HNRNPR: variants seen among roughly 807,000 people sequenced by gnomAD.
HNRNPR encodes heterogeneous nuclear ribonucleoprotein R.
A neutral mutation model predicts 70.3 loss-of-function variants in HNRNPR; 4 were observed. That is an observed-to-expected ratio of 0.06 (90% CI 0.03 to 0.13). HNRNPR has a LOEUF of 0.13. Among genes scored for constraint, HNRNPR ranks in the 10% least tolerant of loss-of-function variants. The pLI is 1.00. For synonymous variants in HNRNPR, 241 were observed against 267.6 expected, an observed-to-expected ratio of 0.90 and a Z score of 0.97; for missense variants, 423 against 788.5, an observed-to-expected ratio of 0.54 and a Z score of 5.55.
rs1444205115 is a variant in HNRNPR, at chr1:23,310,694, T to C, written c.1662A>G (p.Arg554=). Residue 554 remains arginine (R), a synonymous_variant, in exon 11 of 11, where the codon AGA becomes AGG. Transcript: ENST00000302271. The surrounding 1 kb of genome is among the most constrained non-coding windows in gnomAD (Gnocchi z 6.0). ...CCCGAGATCCACGGGAACCACGGCC[T>C]CTCTGCTGTTGAGCAGGACCCCCTC... ...GGRGGPAQQQ[R]GRGSRGSRGN... is the part of the protein sequence containing the mutation. 6.2e-7 allele frequency: 1 copy of C among 1,613,428 alleles called. No homozygotes were observed. Among genetic ancestry groups the C allele is most frequent in the Non-Finnish European group, 8.5e-7 (1 of 1,179,714 alleles).
intron 1 of HNRNPR, among the ~76,000 whole-genome samples, chr1:23,342,853 T>G (rs1274639958): frequency 1.3e-5 from 2 of 152,200 alleles, no homozygotes; most frequent in African/African-American, 4.8e-5. Flanking sequence ...AAGTTGTGTA[T>G]TAAGTACAAG....
At chr1:23,327,721 GATT>G (rs1646047352) in intron 5 of HNRNPR, among the ~76,000 whole-genome samples, 1 of 151,332 alleles carries the variant, frequency 6.6e-6, no homozygotes, top group Non-Finnish European at 1.5e-5. Flanking sequence ...AATAAATAGT[GATT>G]ATATGATTTT....
At chr1:23,333,857 C>T (rs1191911549) in intron 4 of HNRNPR, among the ~76,000 whole-genome samples, 3 of 152,098 alleles carry the variant, frequency 2.0e-5, no homozygotes, top group Admixed American at 1.3e-4. Flanking sequence ...ACAAGTCTTA[C>T]CTCCTTCATG....
At chr1:23,341,858 T>G (rs572476980) in intron 1 of HNRNPR, among the ~76,000 whole-genome samples, 2 of 152,276 alleles carry the variant, frequency 1.3e-5, no homozygotes, top group East Asian at 3.9e-4. Flanking sequence ...TTTCTCAGAT[T>G]AACCTATCAA....
intron 9 of HNRNPR, among the ~76,000 whole-genome samples, chr1:23,312,303 C>T (rs1301938784): frequency 6.6e-6 from 1 of 152,192 alleles, no homozygotes; most frequent in African/African-American, 2.4e-5. Context: ...GAAACATCTA[C>T]CCTCTGCCCT....
rs1397401761 is a variant in HNRNPR at position 23,341,495 on chromosome 1, A to G, written c.-9-478T>C. On this transcript the variant is annotated intron_variant, in intron 1 of 10. Coordinates refer to ENST00000302271, the MANE Select transcript of HNRNPR (RefSeq NM_005826.5). ...GCTTCAAATACAGTATCGGTGTGAA[A>G]TAAGTGCCCTGTTTTCTCTAGTTCA... Among the ~76,000 whole-genome samples, 4 of 152,266 alleles carry G rather than the reference A, an allele frequency of 2.6e-5. No homozygotes were observed. The East Asian group carries it at 7.7e-4, about 29-fold the overall frequency.
At chr1:23,320,693 A>C (rs1645720833) in intron 7 of HNRNPR, among the ~76,000 whole-genome samples, 2 of 152,232 alleles carry the variant, frequency 1.3e-5, no homozygotes, top group African/African-American at 4.8e-5. Flanking sequence ...CATAGGTAGT[A>C]TTAGATCACA....
chr1:23,331,633 G>C (rs900751156), intron 5 of HNRNPR, among the ~76,000 whole-genome samples: 1 of 151,578 alleles, frequency 6.6e-6, no homozygotes, highest in African/African-American at 2.4e-5. Context: ...GTTGCAGTGA[G>C]ACGAAATTGC....
chr1:23,338,217 A>G, intron 3 of HNRNPR: 1 of 320,426 alleles, frequency 3.1e-6, no homozygotes, highest in Non-Finnish European at 5.6e-6. Context: ...AAAGCTGAGT[A>G]ACATGTAAAA....
Position 23,310,788 on chromosome 1 carries a change from G to A in HNRNPR, c.1568C>T (p.Pro523Leu). ...CTGTGAATAGCCAGCTCTACCTCTTGGAGGTGGTGCTCCCCTCCCCCTTGG... is the reference window on the plus strand; with the variant it reads ...CTGTGAATAGCCAGCTCTACCTCTTAGAGGTGGTGCTCCCCTCCCCCTTGG... Reference protein sequence around the residue: ...PPPRGRGAPPPRGRAGYSQRG... With the variant: ...PPPRGRGAPPLRGRAGYSQRG... The change falls in exon 11 of 11, where the codon CCA becomes CTA. Residue 523 changes from proline to leucine, a missense_variant. Pro to Leu is a moderately conservative substitution (Grantham distance 98). Around this residue, in one of 7 missense-constraint regions of HNRNPR, gnomAD observed 169 missense variants for 195.6 expected, o/e 0.86. Transcript: ENST00000302271. The surrounding 1 kb of genome is among the most constrained non-coding windows in gnomAD (Gnocchi z 6.0). 2 of 1,613,984 alleles carry A rather than the reference G, an allele frequency of 1.2e-6. No individual in the cohort carries two copies. The highest frequency in any genetic ancestry group is 2.7e-5 in the African/African-American group (2 of 75,022).
At chr1:23,332,294 C>T (rs902297557) in intron 5 of HNRNPR, among the ~76,000 whole-genome samples, 2 of 152,162 alleles carry the variant, frequency 1.3e-5, no homozygotes, top group African/African-American at 4.8e-5. Flanking sequence ...CCACATCCTT[C>T]CCTTGTGCAA....
Position 23,318,908 on chromosome 1 carries a change from T to C in HNRNPR, c.812-220A>G, listed in dbSNP as rs1460709127. Among the ~76,000 whole-genome samples, 1 of 152,232 alleles carries C rather than the reference T, an allele frequency of 6.6e-6. No homozygotes were observed. The highest frequency in any genetic ancestry group is 2.4e-5 in the African/African-American group (1 of 41,456). On this transcript the variant is annotated intron_variant, in intron 7 of 10. Transcript: ENST00000302271. This position sits in a 1 kb window ranked among gnomAD's most constrained non-coding sequence, Gnocchi z 4.2. ...TTTAGGGGTTCTGAAGGTACAGCCA[T>C]ATACAACAAATCTACTATATTCTGA...
Position 23,320,739 on chromosome 1 carries a change from A to G in HNRNPR, c.811+789T>C, listed in dbSNP as rs564604223. Among the ~76,000 whole-genome samples, 3 of 152,356 alleles carry G rather than the reference A, an allele frequency of 2.0e-5. No homozygotes were observed. The South Asian group carries it at 6.2e-4, about 32-fold the overall frequency. On this transcript the variant is annotated intron_variant, in intron 7 of 10. Transcript: ENST00000302271. Reference sequence around the variant, plus strand: ...TAAAAAATGAAATAGAATAAGAAATATCAAAATAAATCATGTATAATAAAT... The same window carrying G: ...TAAAAAATGAAATAGAATAAGAAATGTCAAAATAAATCATGTATAATAAAT...
chr1:23,342,555 A>G (rs1486312956), intron 1 of HNRNPR, among the ~76,000 whole-genome samples: 3 of 152,192 alleles, frequency 2.0e-5, no homozygotes, highest in Admixed American at 6.5e-5. Context: ...AAGAAACTGT[A>G]TTGTGTGAGA....
At chr1:23,330,407 T>C (rs937103194) in intron 5 of HNRNPR, among the ~76,000 whole-genome samples, 1 of 152,042 alleles carries the variant, frequency 6.6e-6, no homozygotes, top group East Asian at 1.9e-4. Flanking sequence ...TGGTGGTGCA[T>C]GCTTGCAGTC....
Position 23,307,945 on chromosome 1 carries a change from A to T in HNRNPR, c.*2509T>A, listed in dbSNP as rs1447738496. The T allele has an allele frequency of 6.6e-6, 1 of 151,584 alleles. No individual in the cohort carries two copies. Among genetic ancestry groups the T allele is most frequent in the Admixed American group, 6.6e-5 (1 of 15,218 alleles). 9.4% of individuals were successfully genotyped at this position (151,584 alleles called of 1,614,324 possible). On this transcript the variant is annotated 3_prime_UTR_variant, in exon 11 of 11. Coordinates refer to ENST00000302271, the MANE Select transcript of HNRNPR (RefSeq NM_005826.5). ...AAAAAAATGCCAATCTAGAATAAAGACCTCCCTCAACTGACATTTTTCAGG... is the reference window on the plus strand; with the variant it reads ...AAAAAAATGCCAATCTAGAATAAAGTCCTCCCTCAACTGACATTTTTCAGG...
Position 23,318,440 on chromosome 1 carries a change from T to C in HNRNPR, c.1017+43A>G, listed in dbSNP as rs1557846961. On this transcript the variant is annotated intron_variant, in intron 8 of 10. Transcript: ENST00000302271. This position sits in a 1 kb window ranked among gnomAD's most constrained non-coding sequence, Gnocchi z 4.2. The stretch of plus-strand genomic sequence containing the variant: ...TTTGAGCTTTATTCTGAGTACAAAA[T>C]TTAAATGATGACCCTATGCCCATTC... 2.7e-6 allele frequency: 4 copies of C among 1,488,904 alleles called. No homozygotes were observed. The highest frequency in any genetic ancestry group is 1.1e-5 in the South Asian group (1 of 87,006). The allele number at this position is 1,488,904 out of a possible 1,614,324, so 92.2% of individuals were successfully genotyped here.
intron 5 of HNRNPR, among the ~76,000 whole-genome samples, chr1:23,326,442 C>T (rs555536906): frequency 6.6e-6 from 1 of 152,282 alleles, no homozygotes; most frequent in East Asian, 1.9e-4. Flanking sequence ...TCCTCTAACT[C>T]GAGCTGTATA....
rs1645647350 is a variant in HNRNPR, at chr1:23,318,845, T to C, written c.812-157A>G. On this transcript the variant is annotated intron_variant, in intron 7 of 10. Transcript: ENST00000302271. The surrounding 1 kb of genome is among the most constrained non-coding windows in gnomAD (Gnocchi z 4.2). ...AGACAATTAGATCAACATAATTAGA[T>C]ATGGGGTTTGGGACAGTATTTGATG... 2 of 669,454 alleles carry C rather than the reference T, an allele frequency of 3.0e-6. No individual in the cohort carries two copies. Among genetic ancestry groups the C allele is most frequent in the Non-Finnish European group, 5.1e-6 (2 of 389,398 alleles). The allele number at this position is 669,454 out of a possible 1,614,324, so 41.5% of individuals were successfully genotyped here. A position where few individuals can be genotyped will look rare whatever the true frequency, so the allele number is the denominator to read the frequency against.
Sources: allele counts gnomAD v4.1 joint callset (sites outside exome capture counted in the v4.1 genomes callset), GRCh38; gene constraint gnomAD v4.1.1; regional missense constraint gnomAD v4.1.1; non-coding constraint Gnocchi (gnomAD v3.1); transcripts MANE v1.5; gene names NCBI Gene and HGNC (gene_info 2026-07-23, HGNC 2026-07-21).